Variants in ARHGEF11 observed in about 807,000 individuals in gnomAD.
ARHGEF11 encodes Rho guanine exchange factor (GEF) 11.
In ARHGEF11, 55 loss-of-function variants were observed where a neutral mutation model predicts 193.7. The observed-to-expected ratio is 0.28, with a 90% CI of 0.23 to 0.36. The LOEUF (loss-of-function observed/expected upper bound fraction) is 0.36, where lower values mean the gene tolerates loss of function less well. Ranked by LOEUF, ARHGEF11 falls within the 10% of genes least tolerant of loss-of-function variation. The probability of loss-of-function intolerance (pLI) is 1.00; values close to 1 mark genes in which losing one functional copy is unlikely to be tolerated. For missense variants in ARHGEF11, 1,723 were observed against 2,005.6 expected (o/e 0.86, Z 2.69); for synonymous variants, 693 against 768.0 (o/e 0.90, Z 1.62).
At chr1:157,043,728 G>C (rs1256478661) in intron 1 of ARHGEF11, among the ~76,000 whole-genome samples, 26 of 152,224 alleles carry the variant, frequency 1.7e-4, no homozygotes. Context: ...TGCATTTTGG[G>C]ACCATGTCAG....
At chr1:156,942,635 C>T (rs1657263871) in intron 33 of ARHGEF11, 55 bp downstream of exon 33, 1 of 1,543,122 alleles carries the variant, frequency 6.5e-7, no homozygotes. Flanking sequence ...CTCATAAACA[C>T]CACCCTGGTC....
At chr1:157,032,777 T>A (rs932882130) in intron 1 of ARHGEF11, among the ~76,000 whole-genome samples, 1 of 152,186 alleles carries the variant, frequency 6.6e-6, no homozygotes, top group Non-Finnish European at 1.5e-5. Context: ...ACGGAGGCCA[T>A]GAACATCCTC....
At chr1:156,955,861 T>C in intron 19 of ARHGEF11, 62 bp from the exon 20 acceptor site, 1 of 1,284,260 alleles carries the variant, frequency 7.8e-7, no homozygotes, top group Non-Finnish European at 1.1e-6. Flanking sequence ...TGGCTGCTAA[T>C]CAATTCTGCC....
At chr1:156,982,143 A>C (rs563207563) in intron 3 of ARHGEF11, among the ~76,000 whole-genome samples, 1 of 152,080 alleles carries the variant, frequency 6.6e-6, no homozygotes, top group Non-Finnish European at 1.5e-5. Context: ...CAACAGAACT[A>C]TCTTGCCTGA....
Position 156,936,878 on chromosome 1 carries a change from G to A in ARHGEF11, c.4568C>T (p.Ala1523Val). Reference protein sequence around the residue: ...RWTDGSLSPPAKEPLASDSRN... With the variant: ...RWTDGSLSPPVKEPLASDSRN... ...GGAGTCAGAAGCTAGGGGCTCCTTAGCGGGAGGTGAGAGGGAGCCATCTGT... is the reference window on the plus strand; with the variant it reads ...GGAGTCAGAAGCTAGGGGCTCCTTAACGGGAGGTGAGAGGGAGCCATCTGT... Residue 1523 changes from alanine (A) to valine (V), a missense_variant, in exon 40 of 41, where the codon GCT becomes GTT. This residue lies in a region of ARHGEF11 where 360 missense variants were observed against 344.4 expected (regional missense o/e 1.05). Coordinates refer to ENST00000368194, the MANE Select transcript of ARHGEF11 (RefSeq NM_198236.3). 2.5e-6 allele frequency: 4 copies of A among 1,614,150 alleles called. No homozygotes were observed. Among genetic ancestry groups the A allele is most frequent in the Non-Finnish European group, 3.4e-6 (4 of 1,180,024 alleles).
In ARHGEF11 at chr1:156,939,529, A is replaced by G. The variant is rs950671086; in HGVS notation, c.4096+19T>C. 1 of 1,607,054 alleles carries G rather than the reference A, an allele frequency of 6.2e-7. No homozygotes were observed. The highest frequency in any genetic ancestry group is 1.3e-5 in the African/African-American group (1 of 75,010). ...GCAAGGGTGCTTGTCTCCCCACTGG[A>G]CACTCCCATTTATTTTACCTTTTCT... is the stretch of plus-strand genomic sequence containing the variant. On this transcript the variant is annotated intron_variant, in intron 37 of 40. Transcript: ENST00000368194.
intron 1 of ARHGEF11, among the ~76,000 whole-genome samples, chr1:157,040,560 G>C (rs1386427460): frequency 6.6e-6 from 1 of 152,224 alleles, no homozygotes; most frequent in Non-Finnish European, 1.5e-5. Flanking sequence ...CTGGGAAGGA[G>C]ATTCAGTAAC....
At chr1:157,008,996 T>C (rs1668230230) in intron 1 of ARHGEF11, among the ~76,000 whole-genome samples, 1 of 152,334 alleles carries the variant, frequency 6.6e-6, no homozygotes, top group South Asian at 2.1e-4. Context: ...ACTACAAGAT[T>C]GCACTCAGGA....
intron 1 of ARHGEF11, among the ~76,000 whole-genome samples, chr1:156,988,782 T>C (rs1665296201): frequency 6.6e-6 from 1 of 152,178 alleles, no homozygotes; most frequent in Non-Finnish European, 1.5e-5. Flanking sequence ...AACGTAAGTA[T>C]ACTTGCAACA....
At chr1:157,045,915 T>C (rs1217012168), upstream of ARHGEF11, among the ~76,000 whole-genome samples, 2 of 150,742 alleles carry the variant, frequency 1.3e-5, no homozygotes, top group African/African-American at 2.4e-5. Flanking sequence ...CTCGCTGCGC[T>C]GCCCGCCGCC....
At chr1:156,936,196 G>A (rs756165236) in intron 40 of ARHGEF11, 138 bp from the exon 41 acceptor site, 1 of 950,318 alleles carries the variant, frequency 1.1e-6, no homozygotes, top group East Asian at 2.4e-5. Flanking sequence ...GTTTCTCGTA[G>A]GGCTTGAAAA....
At position 156,959,053 on chromosome 1, in the gene ARHGEF11, C is replaced by A. The variant is rs769155252; in HGVS notation, c.1372G>T (p.Asp458Tyr). The A allele has an allele frequency of 3.7e-6, 6 of 1,614,222 alleles. No individual in the cohort carries two copies. The highest frequency in any genetic ancestry group is 5.1e-6 in the Non-Finnish European group (6 of 1,180,036). ...AMPEIQEQIH[D>Y]YRTKRTLGLG... ...GTCAGCTCCTGGGCCAACCTGTAGTCGTGGATCTGCTCTTGGATCTCAGGC... is the reference window on the plus strand; with the variant it reads ...GTCAGCTCCTGGGCCAACCTGTAGTAGTGGATCTGCTCTTGGATCTCAGGC... The change falls in exon 16 of 41, where the codon GAC (aspartate) becomes TAC (tyrosine). Residue 458 changes from aspartate to tyrosine, a missense_variant. Asp to Tyr is a radical substitution (Grantham distance 160, BLOSUM62 -3). Around this residue, in one of 5 missense-constraint regions of ARHGEF11, gnomAD observed 646 missense variants for 710.7 expected, o/e 0.91. Transcript: ENST00000368194.
At chr1:157,011,959 C>T (rs1668596288) in intron 1 of ARHGEF11, among the ~76,000 whole-genome samples, 1 of 152,092 alleles carries the variant, frequency 6.6e-6, no homozygotes, top group South Asian at 2.1e-4. Context: ...TGCTATATGA[C>T]CCAGCAATTC....
chr1:156,997,330 C>T (rs1396853613), intron 1 of ARHGEF11, among the ~76,000 whole-genome samples: 1 of 152,094 alleles, frequency 6.6e-6, no homozygotes, highest in East Asian at 1.9e-4. Context: ...GGGAAAAAGA[C>T]AGGTTATGGA....
At chr1:156,943,530 C>A (rs540094152) in intron 32 of ARHGEF11, among the ~76,000 whole-genome samples, 2 of 152,222 alleles carry the variant, frequency 1.3e-5, no homozygotes, top group Non-Finnish European at 2.9e-5. Flanking sequence ...GTCCACTGGA[C>A]CCAGCTCTGT....
intron 1 of ARHGEF11, among the ~76,000 whole-genome samples, chr1:156,994,471 A>C (rs773650922): frequency 6.6e-6 from 1 of 151,114 alleles, no homozygotes; most frequent in Non-Finnish European, 1.5e-5. Flanking sequence ...AACTAGAAAG[A>C]GTGAGTGAAA....
Position 156,999,265 on chromosome 1 carries a change from C to T in ARHGEF11, c.33-13092G>A, listed in dbSNP as rs550360021. Among the ~76,000 whole-genome samples the T allele has an allele frequency of 2.6e-5, 4 of 152,244 alleles. No homozygotes were observed. The South Asian group carries it at 8.3e-4, about 32-fold the overall frequency. ...TACGGATAAGGAAAATGAGGTTCAG[C>T]TAAGTTACATAAGTCGCCCCAGGCC... is the stretch of plus-strand genomic sequence containing the variant. On this transcript the variant is annotated intron_variant, in intron 1 of 40. Transcript: ENST00000368194.
At chr1:157,010,697 C>T (rs1668439824) in intron 1 of ARHGEF11, among the ~76,000 whole-genome samples, 2 of 152,272 alleles carry the variant, frequency 1.3e-5, no homozygotes, top group South Asian at 4.2e-4. Flanking sequence ...CATGAGCCAC[C>T]ATACTTGGAC....
rs767561556 is a variant in ARHGEF11, at chr1:156,971,746, C to A, written c.653G>T (p.Arg218Leu). 4.3e-6 allele frequency: 7 copies of A among 1,614,028 alleles called. No individual in the cohort carries two copies. Among genetic ancestry groups the A allele is most frequent in the Non-Finnish European group, 5.1e-6 (6 of 1,180,024 alleles). The change falls in exon 8 of 41, where the codon CGA (arginine) becomes CTA (leucine). Residue 218 changes from arginine (R) to leucine (L), a missense_variant. Arg to Leu is a moderately radical substitution (Grantham distance 102, BLOSUM62 -2). Coordinates refer to ENST00000368194, the MANE Select transcript of ARHGEF11 (RefSeq NM_198236.3). Reference protein sequence around the residue: ...LEEQIEGARRRVTQLQLKIQQ... With the variant: ...LEEQIEGARRLVTQLQLKIQQ... ...GATCTTCAGCTGTAACTGAGTGACT[C>A]GCCGCCGGGCACCTTCGATCTGCTC...
Sources: allele counts gnomAD v4.1 joint callset (sites outside exome capture counted in the v4.1 genomes callset), GRCh38; gene constraint gnomAD v4.1.1; regional missense constraint gnomAD v4.1.1; transcripts MANE v1.5; gene names NCBI Gene and HGNC (gene_info 2026-07-23, HGNC 2026-07-21).